PACS2: variants seen among roughly 807,000 people sequenced by gnomAD.
PACS2 encodes PACS1-like protein.
Under a neutral mutation model 113.0 loss-of-function variants are expected in PACS2, and 36 were observed. The observed-to-expected ratio is 0.32, with a 90% CI of 0.24 to 0.42. The LOEUF (loss-of-function observed/expected upper bound fraction) is 0.42. Among genes scored for constraint, PACS2 ranks in the 10% least tolerant of loss-of-function variants. The probability of loss-of-function intolerance (pLI) is 1.00; values close to 1 mark genes in which losing one functional copy is unlikely to be tolerated. For synonymous variants in PACS2, 589 were observed against 536.1 expected, an observed-to-expected ratio of 1.10 and a Z score of -1.36; for missense variants, 1,015 against 1,239.5, an observed-to-expected ratio of 0.82 and a Z score of 2.72.
At chr14:105,321,307 T>C (rs1040468381) in intron 1 of PACS2, among the ~76,000 whole-genome samples, 1 of 150,976 alleles carries the variant, frequency 6.6e-6, no homozygotes, top group African/African-American at 2.5e-5. Context: ...TGTTAAAATC[T>C]TATAATCTGA....
intron 2 of PACS2, among the ~76,000 whole-genome samples, chr14:105,351,353 G>A (rs1163723748): frequency 2.0e-5 from 3 of 152,194 alleles, no homozygotes; most frequent in East Asian, 1.9e-4. Context: ...TAGCAGGTGC[G>A]TGTGATGTCT....
chr14:105,326,030 C>A (rs1394175650), intron 1 of PACS2, among the ~76,000 whole-genome samples: 1 of 152,270 alleles, frequency 6.6e-6, no homozygotes, highest in Non-Finnish European at 1.5e-5. Context: ...AATTCTGTAG[C>A]TGACCTTGCA....
chr14:105,378,772 C>T (rs913182027), intron 9 of PACS2, among the ~76,000 whole-genome samples: 1 of 152,350 alleles, frequency 6.6e-6, no homozygotes, highest in Non-Finnish European at 1.5e-5. Context: ...CTCCCTTCCT[C>T]CTTTTTCTTC....
chr14:105,342,489 G>A (rs1250767838), intron 1 of PACS2, among the ~76,000 whole-genome samples: 2 of 151,794 alleles, frequency 1.3e-5, no homozygotes, highest in African/African-American at 2.4e-5. Flanking sequence ...GGCTGGTCTC[G>A]AACTCCTGGC....
chr14:105,364,370 G>GGGT (rs1566943227), intron 4 of PACS2, among the ~76,000 whole-genome samples: 13 of 138,508 alleles, frequency 9.4e-5, no homozygotes, highest in African/African-American at 3.2e-4. Flanking sequence ...GGTGCACGGT[G>GGGT]GGCGTCCCGG....
chr14:105,318,578 T>C (rs2058756709), intron 1 of PACS2, among the ~76,000 whole-genome samples: 1 of 151,596 alleles, frequency 6.6e-6, no homozygotes, highest in Non-Finnish European at 1.5e-5. Flanking sequence ...GCCTCCCAAG[T>C]AGCTAGGACT....
chr14:105,331,699 C>G (rs1296677329), intron 1 of PACS2, among the ~76,000 whole-genome samples: 1 of 152,248 alleles, frequency 6.6e-6, no homozygotes, highest in Non-Finnish European at 1.5e-5. Context: ...CCCTCCCACC[C>G]TCCAAAGGAA....
At chr14:105,318,031 C>G (rs587736622) in intron 1 of PACS2, among the ~76,000 whole-genome samples, 38 of 152,342 alleles carry the variant, frequency 2.5e-4, no homozygotes, top group African/African-American at 9.1e-4. Flanking sequence ...CTCCTGGTGC[C>G]CATGTCCCTG....
At chr14:105,311,109 T>C (rs2058340546), upstream of PACS2, among the ~76,000 whole-genome samples, 2 of 152,034 alleles carry the variant, frequency 1.3e-5, no homozygotes, top group Admixed American at 1.3e-4. Context: ...CGCACCATCA[T>C]GCCCCACTAA....
intron 24 of PACS2, chr14:105,393,591 T>TG: frequency 2.4e-6 from 1 of 419,250 alleles, no homozygotes; most frequent in Non-Finnish European, 4.2e-6. Flanking sequence ...TTTTTTGTTT[T>TG]GGTTTTTTTT....
chr14:105,382,433 G>A (rs781844656), intron 13 of PACS2, 44 bp from the exon 14 acceptor site: 25 of 1,157,378 alleles, frequency 2.2e-5, no homozygotes, highest in African/African-American at 6.1e-5. Context: ...GGGGATGGGC[G>A]CTGTGCTTCT....
chr14:105,360,314 C>T (rs1000726886), intron 4 of PACS2, among the ~76,000 whole-genome samples: 4 of 151,962 alleles, frequency 2.6e-5, no homozygotes, highest in Non-Finnish European at 5.9e-5. Flanking sequence ...CCAAGGCGGG[C>T]GTATCACCTG....
At chr14:105,392,916 C>G in intron 23 of PACS2, 71 bp downstream of exon 23, 1 of 1,263,598 alleles carries the variant, frequency 7.9e-7, no homozygotes, top group East Asian at 2.3e-5. Context: ...GGCTCGCAGT[C>G]AACAGGGATG....
chr14:105,384,868 T>C lies in PACS2; in HGVS notation c.1892-11T>C. ...ACCAGCCTAACCCCCCACCGCCTCC[T>C]CCCCCTGCAGTACAGGACACGCCAG... On this transcript the variant is annotated splice_polypyrimidine_tract_variant and intron_variant, in intron 17 of 24. Coordinates refer to ENST00000447393, the MANE Select transcript of PACS2 (RefSeq NM_001100913.3). 2.7e-6 allele frequency: 4 copies of C among 1,481,920 alleles called. No individual in the cohort carries two copies. Among genetic ancestry groups the C allele is most frequent in the Non-Finnish European group, 3.7e-6 (4 of 1,079,512 alleles). 91.8% of individuals were successfully genotyped at this position (1,481,920 alleles called of 1,614,324 possible). A position where few individuals can be genotyped will look rare whatever the true frequency, so the allele number is the denominator to read the frequency against.
At chr14:105,392,420 G>A (rs2081391773) in intron 22 of PACS2, 199 bp from the exon 23 acceptor site, 2 of 592,406 alleles carry the variant, frequency 3.4e-6, no homozygotes, top group Non-Finnish European at 6.0e-6. Context: ...CAGGGTCCCT[G>A]TAATTTAAGC....
chr14:105,358,829 C>T lies in PACS2; in HGVS notation c.423+3652C>T, dbSNP rs1289604724. Among the ~76,000 whole-genome samples the T allele has an allele frequency of 1.3e-5, 2 of 152,184 alleles. No homozygotes were observed. Among genetic ancestry groups the T allele is most frequent in the Non-Finnish European group, 2.9e-5 (2 of 68,028 alleles). On this transcript the variant is annotated intron_variant, in intron 4 of 24. Transcript: ENST00000447393. The surrounding 1 kb of genome is among the most constrained non-coding windows in gnomAD (Gnocchi z 4.9). Reference sequence around the variant, plus strand: ...CCTCAGGGTAAGGACAGCGCGGGAGCGTCACCCTGACCGTTTGCATGCTGG... The same window carrying T: ...CCTCAGGGTAAGGACAGCGCGGGAGTGTCACCCTGACCGTTTGCATGCTGG...
At chr14:105,314,535 GA>G (rs1300864950), upstream of PACS2, 1 of 147,038 alleles carries the variant, frequency 6.8e-6, no homozygotes, top group African/African-American at 2.5e-5. Flanking sequence ...GGCGGGCGGG[GA>G]CGCCCCGTGA....
chr14:105,377,425 G>T (rs782387799), intron 9 of PACS2, among the ~76,000 whole-genome samples: 11 of 152,262 alleles, frequency 7.2e-5, no homozygotes, highest in Non-Finnish European at 1.6e-4. Flanking sequence ...GGCAGGAGGA[G>T]AGGATGCAGG....
chr14:105,394,037 CAAAAAAAAAAA>C (rs35175118), intron 24 of PACS2, among the ~76,000 whole-genome samples: 119 of 72,100 alleles, frequency 1.7e-3, no homozygotes, highest in African/African-American at 6.1e-3. Flanking sequence ...GACTCCGCCT[CAAAAAAAAAAA>C]AAAAAAAAGG....
Sources: allele counts gnomAD v4.1 joint callset (sites outside exome capture counted in the v4.1 genomes callset), GRCh38; gene constraint gnomAD v4.1.1; non-coding constraint Gnocchi (gnomAD v3.1); transcripts MANE v1.5; gene names NCBI Gene and HGNC (gene_info 2026-07-23, HGNC 2026-07-21).